TNRC6C: variants seen among roughly 807,000 people sequenced by gnomAD.
TNRC6C encodes trinucleotide repeat-containing gene 6C protein.
In TNRC6C, 20 loss-of-function variants were observed where a neutral mutation model predicts 153.7. That is an observed-to-expected ratio of 0.13 (90% CI 0.09 to 0.19). The LOEUF (loss-of-function observed/expected upper bound fraction) is 0.19. Ranked by LOEUF, TNRC6C falls within the 10% of genes least tolerant of loss-of-function variation. The pLI, the probability that TNRC6C is intolerant of heterozygous loss-of-function variation, is 1.00. For missense variants in TNRC6C, 1,987 were observed against 2,172.0 expected (o/e 0.91, Z 1.69); for synonymous variants, 811 against 841.4 (o/e 0.96, Z 0.63).
intron 2 of TNRC6C, among the ~76,000 whole-genome samples, chr17:78,033,574 CAGG>C (rs2072115905): frequency 6.6e-6 from 1 of 151,822 alleles, no homozygotes; most frequent in Non-Finnish European, 1.5e-5. Context: ...GAGGCTGAGG[CAGG>C]AGAATCGCTT....
chr17:78,028,429 C>A (rs1187539127), intron 1 of TNRC6C, among the ~76,000 whole-genome samples: 1 of 152,136 alleles, frequency 6.6e-6, no homozygotes, highest in African/African-American at 2.4e-5. Context: ...GTAGCAGTAC[C>A]AAACTGCATG....
At chr17:78,017,916 T>G (rs2071759212) in intron 1 of TNRC6C, among the ~76,000 whole-genome samples, 1 of 152,250 alleles carries the variant, frequency 6.6e-6, no homozygotes, top group Non-Finnish European at 1.5e-5. Context: ...TTTTTCAGGC[T>G]CTGCTTAATT....
chr17:78,030,436 G>A (rs1435052685), intron 1 of TNRC6C, among the ~76,000 whole-genome samples: 1 of 152,002 alleles, frequency 6.6e-6, no homozygotes, highest in Non-Finnish European at 1.5e-5. Flanking sequence ...GACTTTTTAT[G>A]TGACTGGCAG....
chr17:78,088,064 T>G (rs2073328950), intron 13 of TNRC6C, among the ~76,000 whole-genome samples: 2 of 152,356 alleles, frequency 1.3e-5, no homozygotes, highest in East Asian at 1.9e-4. Flanking sequence ...AAAGGCCAGT[T>G]GAGTGGTAGT....
chr17:78,093,519 T>G (rs1434234917), intron 15 of TNRC6C, 101 bp from the exon 18 acceptor site: 4 of 1,424,828 alleles, frequency 2.8e-6, no homozygotes, highest in Non-Finnish European at 3.8e-6. Flanking sequence ...ATTAGCAGAT[T>G]ATAAAAATTT....
At chr17:78,006,848 G>A (rs1328820006) in intron 1 of TNRC6C, among the ~76,000 whole-genome samples, 1 of 142,474 alleles carries the variant, frequency 7.0e-6, no homozygotes, top group Non-Finnish European at 1.6e-5. Context: ...TTTTTGAGAT[G>A]GAGTCTTGCT....
chr17:77,964,812 A>G (rs1858573342), intron 1 of TNRC6C, among the ~76,000 whole-genome samples: 1 of 152,226 alleles, frequency 6.6e-6, no homozygotes. Flanking sequence ...TATGAAGTGC[A>G]GAGTGAGGGG....
rs1445210282 is a variant in TNRC6C, at chr17:78,104,478, G to A, written c.4713-7G>A. ...CCCTGTTCACGTGCCCCATCTTGCT[G>A]TTGCAGGTGCGTCCTGGGAAACACT... On this transcript the variant is annotated splice_region_variant and splice_polypyrimidine_tract_variant and intron_variant, in intron 19 of 19. Transcript: ENST00000301624. The surrounding 1 kb of genome is among the most constrained non-coding windows in gnomAD (Gnocchi z 6.2). The A allele has an allele frequency of 4.7e-6, 7 of 1,484,506 alleles. No homozygotes were observed. In the South Asian group the frequency reaches 5.5e-5, roughly 12 times the overall value. 92.0% of individuals were successfully genotyped at this position (1,484,506 alleles called of 1,614,324 possible). A position where few individuals can be genotyped will look rare whatever the true frequency, so the allele number is the denominator to read the frequency against.
At chr17:77,972,539 G>A (rs1390829567) in intron 1 of TNRC6C, among the ~76,000 whole-genome samples, 1 of 151,350 alleles carries the variant, frequency 6.6e-6, no homozygotes, top group Admixed American at 6.6e-5. Flanking sequence ...ATGAAAGAGG[G>A]GACATGACTG....
rs528315933 is a variant in TNRC6C, at chr17:77,977,891, C to CTTTT, written c.-38+18642_-38+18645dup. Among the ~76,000 whole-genome samples, 181 of 114,146 alleles carry CTTTT rather than the reference C, an allele frequency of 1.6e-3. 1 individual carries two copies. Among genetic ancestry groups the CTTTT allele is most frequent in the African/African-American group, 4.1e-3 (115 of 28,394 alleles). 74.9% of individuals were successfully genotyped at this position (114,146 alleles called of 152,430 possible). On this transcript the variant is annotated intron_variant, in intron 1 of 22. Coordinates refer to the TNRC6C transcript ENST00000636222. Reference sequence around the variant, plus strand: ...TATCAGTATTTTTTCTTTAAAACCTCTTTTTTTTTTTTTTTTTTTTTTGAG... The same window carrying CTTTT: ...TATCAGTATTTTTTCTTTAAAACCTCTTTTTTTTTTTTTTTTTTTTTTTTTTGAG...
At chr17:78,085,736 A>G (rs2073267999) in intron 11 of TNRC6C, among the ~76,000 whole-genome samples, 1 of 152,142 alleles carries the variant, frequency 6.6e-6, no homozygotes, top group Non-Finnish European at 1.5e-5. Flanking sequence ...ACGTTGTTTA[A>G]CACACATTAT....
chr17:78,052,694 C>A (rs916722221), intron 3 of TNRC6C, among the ~76,000 whole-genome samples: 1 of 152,086 alleles, frequency 6.6e-6, no homozygotes, highest in African/African-American at 2.4e-5. Flanking sequence ...ATTATGACTG[C>A]CCTACAGGAC....
chr17:78,047,013 T>C (rs1413629253), intron 2 of TNRC6C, among the ~76,000 whole-genome samples: 2 of 151,698 alleles, frequency 1.3e-5, no homozygotes, highest in Admixed American at 1.3e-4. Context: ...TGGAAAAGAA[T>C]GCATTGGTCA....
At chr17:77,975,930 T>C (rs1307599401) in intron 1 of TNRC6C, among the ~76,000 whole-genome samples, 1 of 152,226 alleles carries the variant, frequency 6.6e-6, no homozygotes, top group Non-Finnish European at 1.5e-5. Flanking sequence ...TAAAACTTTC[T>C]CAACTGATCA....
At chr17:78,100,770 CTTTTTTTTTTTT>C (rs56816459) in intron 17 of TNRC6C, among the ~76,000 whole-genome samples, 1 of 104,030 alleles carries the variant, frequency 9.6e-6, no homozygotes, top group Non-Finnish European at 1.9e-5. Context: ...ATGGGATTTC[CTTTTTTTTTTTT>C]TTTTTTTTTT....
At chr17:77,981,833 C>T (rs1185866099) in intron 1 of TNRC6C, among the ~76,000 whole-genome samples, 1 of 152,198 alleles carries the variant, frequency 6.6e-6, no homozygotes, top group African/African-American at 2.4e-5. Context: ...GTAGCTGCTA[C>T]AGAGACATTG....
intron 2 of TNRC6C, among the ~76,000 whole-genome samples, chr17:78,047,513 T>C (rs920670329): frequency 1.3e-5 from 2 of 152,248 alleles, no homozygotes; most frequent in Non-Finnish European, 2.9e-5. Flanking sequence ...TTTAGGTTGA[T>C]ATTAGCTTTA....
rs749981420 is a variant in TNRC6C at position 78,075,115 on chromosome 17, C to T, written c.2918-21C>T. 9 of 1,611,764 alleles carry T rather than the reference C, an allele frequency of 5.6e-6. No individual in the cohort carries two copies. Among genetic ancestry groups the T allele is most frequent in the East Asian group, 2.2e-5 (1 of 44,846 alleles). ...CTCACTTGTTTTGTTTACAACATTG[C>T]TTCTGTTTGTTGTGCTCCAGGCGCT... is the stretch of plus-strand genomic sequence containing the variant. On this transcript the variant is annotated intron_variant, in intron 7 of 19. Transcript: ENST00000301624. This position sits in a 1 kb window ranked among gnomAD's most constrained non-coding sequence, Gnocchi z 4.2.
In TNRC6C at chr17:78,016,361, A is replaced by G. The variant is rs373986140; in HGVS notation, c.-546+11282A>G. On this transcript the variant is annotated intron_variant, in intron 1 of 19. Transcript: ENST00000301624. Reference sequence around the variant, plus strand: ...CATGCACTCACATGTAACTGGGGGAACCAGATCCCTAGCCTCAGCTCTCCT... The same window carrying G: ...CATGCACTCACATGTAACTGGGGGAGCCAGATCCCTAGCCTCAGCTCTCCT... Among the ~76,000 whole-genome samples the G allele has an allele frequency of 2.8e-4, 43 of 152,360 alleles. No individual in the cohort carries two copies. The East Asian group carries it at 7.5e-3, about 27-fold the overall frequency.
Sources: allele counts gnomAD v4.1 joint callset (sites outside exome capture counted in the v4.1 genomes callset), GRCh38; gene constraint gnomAD v4.1.1; non-coding constraint Gnocchi (gnomAD v3.1); transcripts MANE v1.5; gene names NCBI Gene and HGNC (gene_info 2026-07-23, HGNC 2026-07-21).